LARGE1: variants seen among roughly 807,000 people sequenced by gnomAD.
The protein encoded by LARGE1 is xylosyl- and glucuronyltransferase LARGE1.
A neutral mutation model predicts 87.6 loss-of-function variants in LARGE1; 43 were observed. The ratio of observed to expected loss-of-function variants is 0.49; its 90% CI spans 0.38 to 0.63. LARGE1 has a LOEUF of 0.63. Ranked by LOEUF, LARGE1 falls within the 30% of genes least tolerant of loss-of-function variation. The probability of loss-of-function intolerance (pLI) is 0.00; values close to 1 mark genes in which losing one functional copy is unlikely to be tolerated. For synonymous variants in LARGE1, 434 were observed against 394.6 expected (o/e 1.10, Z -1.18); for missense variants, 802 against 1,000.2 (o/e 0.80, Z 2.67).
intron 2 of LARGE1, among the ~76,000 whole-genome samples, chr22:33,651,030 G>A (rs746692744): frequency 6.6e-6 from 1 of 151,552 alleles, no homozygotes; most frequent in Non-Finnish European, 1.5e-5. Flanking sequence ...AAAGACAAGG[G>A]AGGGGAGAAG....
intron 3 of LARGE1, among the ~76,000 whole-genome samples, chr22:33,640,247 C>T (rs1404541081): frequency 6.6e-6 from 1 of 152,194 alleles, no homozygotes; most frequent in African/African-American, 2.4e-5. Flanking sequence ...AGGAAGTGCA[C>T]TGCTCATGGG....
the LARGE1 span, among the ~76,000 whole-genome samples, chr22:33,113,130 G>T: frequency 6.6e-6 from 1 of 151,716 alleles, no homozygotes; most frequent in South Asian, 2.1e-4. Flanking sequence ...ACTATCAATA[G>T]AAACTATTTT....
chr22:33,523,290 G>A (rs942590365), intron 6 of LARGE1, among the ~76,000 whole-genome samples: 1 of 151,784 alleles, frequency 6.6e-6, no homozygotes, highest in African/African-American at 2.4e-5. Context: ...TCCCAAAGGC[G>A]TGAGACACCC....
intron 9 of LARGE1, among the ~76,000 whole-genome samples, chr22:33,342,814 T>C (rs558226677): frequency 2.1e-4 from 32 of 152,196 alleles, no homozygotes; most frequent in African/African-American, 7.5e-4. Context: ...GGCGAGGTCT[T>C]AGGCAAGCAA....
intron 9 of LARGE1, among the ~76,000 whole-genome samples, chr22:33,347,319 AACTTG>A (rs910373298): frequency 6.6e-6 from 1 of 152,174 alleles, no homozygotes; most frequent in Non-Finnish European, 1.5e-5. Flanking sequence ...GCTGGTAAAG[AACTTG>A]ACTTATTATT....
intron 5 of LARGE1, among the ~76,000 whole-genome samples, chr22:33,568,805 A>G (rs1422513657): frequency 6.7e-6 from 1 of 149,126 alleles, no homozygotes; most frequent in Non-Finnish European, 1.5e-5. Flanking sequence ...TGCCTTGTAT[A>G]TAATAGGTAC....
chr22:33,351,806 A>G (rs1399596422), intron 9 of LARGE1, among the ~76,000 whole-genome samples: 1 of 151,724 alleles, frequency 6.6e-6, no homozygotes, highest in Non-Finnish European at 1.5e-5. Context: ...CAGTGGTGCA[A>G]TCTTGGCTCA....
Position 33,339,154 on chromosome 22 carries a change from TAAA to T in LARGE1, c.1132-1356_1132-1354del, listed in dbSNP as rs1182760420. Among the ~76,000 whole-genome samples, 78 of 99,014 alleles carry T rather than the reference TAAA, an allele frequency of 7.9e-4. 1 individual carries two copies. The highest frequency in any genetic ancestry group is 2.5e-3 in the African/African-American group (74 of 29,408). 65.0% of individuals were successfully genotyped at this position (99,014 alleles called of 152,430 possible). A position where few individuals can be genotyped will look rare whatever the true frequency, so the allele number is the denominator to read the frequency against. On this transcript the variant is annotated intron_variant, in intron 9 of 14. Coordinates refer to ENST00000397394, the MANE Select transcript of LARGE1 (RefSeq NM_133642.5). ...CAAAGCGAGACTCCGTCTCAAAAAA[TAAA>T]AAAAAAAAAAAAAAAAGAAGAAGAA...
chr22:33,466,589 C>T lies in LARGE1; in HGVS notation c.788-34324G>A, dbSNP rs536083111. Among the ~76,000 whole-genome samples, 8 of 151,620 alleles carry T rather than the reference C, an allele frequency of 5.3e-5. 1 individual carries two copies. In the South Asian group the frequency reaches 1.7e-3, roughly 32 times the overall value. ...CAGGTATTTCTTTTTTTGTCTAATA[C>T]CCCTACATAAATCAAACACCCACTA... On this transcript the variant is annotated intron_variant, in intron 6 of 14. Coordinates refer to ENST00000397394, the MANE Select transcript of LARGE1 (RefSeq NM_133642.5).
At chr22:33,828,362 G>A (rs1021753603) in intron 1 of LARGE1, among the ~76,000 whole-genome samples, 15 of 152,248 alleles carry the variant, frequency 9.9e-5, no homozygotes, top group Admixed American at 2.6e-4. Flanking sequence ...AGACAGAAAG[G>A]CTTCTAAACA....
intron 1 of LARGE1, among the ~76,000 whole-genome samples, chr22:33,901,113 C>T (rs1352630610): frequency 6.6e-6 from 1 of 152,074 alleles, no homozygotes; most frequent in East Asian, 1.9e-4. Context: ...AATGTGAAGA[C>T]ACACAAGAAG....
intron 9 of LARGE1, among the ~76,000 whole-genome samples, chr22:33,374,755 C>A (rs1032653543): frequency 6.6e-6 from 1 of 152,000 alleles, no homozygotes; most frequent in Non-Finnish European, 1.5e-5. Context: ...TTATGGGTAT[C>A]TACCCAAATT....
At chr22:33,284,942 A>G in intron 12 of LARGE1, among the ~76,000 whole-genome samples, 1 of 152,196 alleles carries the variant, frequency 6.6e-6, no homozygotes, top group Admixed American at 6.5e-5. Context: ...GAGACCTGCC[A>G]TCCTGGGAAA....
intron 7 of LARGE1, among the ~76,000 whole-genome samples, chr22:33,398,572 A>G (rs1316950510): frequency 6.6e-6 from 1 of 152,210 alleles, no homozygotes; most frequent in African/African-American, 2.4e-5. Flanking sequence ...AGTGCTTTGC[A>G]AATAAAAAGT....
chr22:33,721,651 G>C (rs1440948475), intron 2 of LARGE1, among the ~76,000 whole-genome samples: 1 of 152,176 alleles, frequency 6.6e-6, no homozygotes, highest in Non-Finnish European at 1.5e-5. Context: ...CAAAGAATCA[G>C]AGCAGCCACA....
chr22:33,607,419 C>A (rs1416059157), intron 4 of LARGE1, among the ~76,000 whole-genome samples: 8 of 139,102 alleles, frequency 5.8e-5, no homozygotes, highest in Non-Finnish European at 9.0e-5. Flanking sequence ...CAAGATCGTG[C>A]CATTGCACTC....
chr22:33,174,549 C>A (rs1922757014), intron 11 of LARGE1, among the ~76,000 whole-genome samples: 1 of 152,020 alleles, frequency 6.6e-6, no homozygotes, highest in South Asian at 2.1e-4. Flanking sequence ...ATGAATCCAG[C>A]AGCTGCTTTT....
At chr22:33,117,414 G>A in the LARGE1 span, among the ~76,000 whole-genome samples, 2 of 147,316 alleles carry the variant, frequency 1.4e-5, no homozygotes, top group African/African-American at 5.1e-5. Context: ...GATATTGTAA[G>A]CACTTCTCTC....
At chr22:33,724,349 G>A (rs560697032) in intron 2 of LARGE1, 17 of 152,564 alleles carry the variant, frequency 1.1e-4, no homozygotes, top group African/African-American at 3.8e-4. Context: ...GAAAAGCAGA[G>A]CCACAGGGAC....
Sources: gnomAD v4.1 joint callset for allele counts (sites outside exome capture counted in the v4.1 genomes callset) on GRCh38, gnomAD v4.1.1 for gene constraint, MANE v1.5 for transcripts, NCBI Gene and HGNC (gene_info 2026-07-23, HGNC 2026-07-21) for gene names.